RUNX1: variants seen among roughly 807,000 people sequenced by gnomAD.
RUNX1 encodes the protein RUNX family transcription factor 1.
Under a neutral mutation model 42.8 loss-of-function variants are expected in RUNX1, and 19 were observed. That is an observed-to-expected ratio of 0.44 (90% CI 0.31 to 0.65). RUNX1 has a LOEUF of 0.65. Ranked by LOEUF, RUNX1 falls within the 30% of genes least tolerant of loss-of-function variation. RUNX1 has a pLI of 0.07. For synonymous variants in RUNX1, 271 were observed against 289.4 expected (o/e 0.94, Z 0.64); for missense variants, 528 against 672.0 (o/e 0.79, Z 2.37).
intron 7 of RUNX1, 54 bp from the exon 8 acceptor site, chr21:34,799,516 ATG>A (rs1206595819): frequency 1.1e-5 from 16 of 1,517,526 alleles, no homozygotes; most frequent in Non-Finnish European, 1.5e-5. Context: ...GATTTAAAAA[ATG>A]TCTTTTAATA....
chr21:34,875,357 G>A (rs944469662), intron 5 of RUNX1, among the ~76,000 whole-genome samples: 9 of 152,206 alleles, frequency 5.9e-5, no homozygotes, highest in Non-Finnish European at 1.3e-4. Flanking sequence ...TGACCTGCCC[G>A]TCGAAAAGCA....
At chr21:34,830,866 C>T (rs2057053565) in intron 7 of RUNX1, among the ~76,000 whole-genome samples, 1 of 152,180 alleles carries the variant, frequency 6.6e-6, no homozygotes, top group African/African-American at 2.4e-5. Flanking sequence ...TGCAGAAGAA[C>T]AACAAAATGG....
intron 2 of RUNX1, among the ~76,000 whole-genome samples, chr21:34,998,794 C>G (rs180853897): frequency 0.016 from 2,441 of 152,212 alleles, 27 homozygotes; most frequent in Non-Finnish European, 0.026. Flanking sequence ...GCCCGCCTTG[C>G]CCTCCCAAAG....
chr21:34,947,272 AT>A, intron 2 of RUNX1, among the ~76,000 whole-genome samples: 1 of 152,130 alleles, frequency 6.6e-6, no homozygotes, highest in East Asian at 1.9e-4. Context: ...GAAGTTTCAG[AT>A]TTTTTTGGCT....
At chr21:34,858,901 T>A (rs1356139616) in intron 6 of RUNX1, among the ~76,000 whole-genome samples, 1 of 152,244 alleles carries the variant, frequency 6.6e-6, no homozygotes. Flanking sequence ...TATTTTTTGG[T>A]ACTATCTTTC....
chr21:34,804,538 A>G (rs1226671019), intron 7 of RUNX1, among the ~76,000 whole-genome samples: 1 of 152,188 alleles, frequency 6.6e-6, no homozygotes, highest in Non-Finnish European at 1.5e-5. Flanking sequence ...ATCATGTTAA[A>G]CTTTCAATAA....
intron 7 of RUNX1, among the ~76,000 whole-genome samples, chr21:34,807,496 T>C (rs1008233458): frequency 2.0e-5 from 3 of 152,200 alleles, no homozygotes; most frequent in African/African-American, 4.8e-5. Context: ...CCATCTATTT[T>C]TGAAAAAGGC....
At chr21:34,959,300 T>C (rs993961748) in intron 2 of RUNX1, among the ~76,000 whole-genome samples, 3 of 152,176 alleles carry the variant, frequency 2.0e-5, no homozygotes, top group African/African-American at 7.2e-5. Context: ...CACTGTGACT[T>C]TCCTGGGAGA....
At chr21:34,918,636 G>A (rs1472672075) in intron 2 of RUNX1, among the ~76,000 whole-genome samples, 5 of 152,170 alleles carry the variant, frequency 3.3e-5, no homozygotes, top group Middle Eastern at 3.2e-3. Flanking sequence ...GAGGCCGGGC[G>A]TGGTGGCTCA....
chr21:35,016,464 A>G (rs1296749048), intron 2 of RUNX1, among the ~76,000 whole-genome samples: 1 of 152,170 alleles, frequency 6.6e-6, no homozygotes, highest in Non-Finnish European at 1.5e-5. Context: ...TGCCCACCAT[A>G]CGCCAGCTGC....
chr21:34,986,293 G>GC (rs2058887268), intron 2 of RUNX1, among the ~76,000 whole-genome samples: 1 of 151,862 alleles, frequency 6.6e-6, no homozygotes, highest in Non-Finnish European at 1.5e-5. Flanking sequence ...TCAAAGGCTG[G>GC]CACTGTTTGT....
chr21:34,979,420 T>TA (rs1169545048), intron 2 of RUNX1, among the ~76,000 whole-genome samples: 1 of 152,260 alleles, frequency 6.6e-6, no homozygotes, highest in Non-Finnish European at 1.5e-5. Flanking sequence ...CAATATTTAT[T>TA]AAAAAAATCT....
intron 2 of RUNX1, among the ~76,000 whole-genome samples, chr21:35,015,170 G>T (rs187824646): frequency 6.6e-6 from 1 of 152,160 alleles, no homozygotes; most frequent in Non-Finnish European, 1.5e-5. Flanking sequence ...TCCTGGGCAC[G>T]TTCCTAAATC....
At chr21:34,924,567 G>T (rs1006639) in intron 2 of RUNX1, among the ~76,000 whole-genome samples, 116,763 of 152,090 alleles carry the variant, frequency 0.77, 46,963 homozygotes, top group South Asian at 0.93. Flanking sequence ...AAACGAAGAA[G>T]GTGTTTGGGA....
chr21:34,821,097 C>A (rs1368525671), intron 7 of RUNX1, among the ~76,000 whole-genome samples: 1 of 152,068 alleles, frequency 6.6e-6, no homozygotes, highest in Non-Finnish European at 1.5e-5. Flanking sequence ...TCCAAGGAAA[C>A]AAAACTCAAA....
chr21:34,801,308 C>T (rs559070364), intron 7 of RUNX1, among the ~76,000 whole-genome samples: 1 of 152,264 alleles, frequency 6.6e-6, no homozygotes, highest in South Asian at 2.1e-4. Context: ...GACAGCCTCA[C>T]ACCTCTAACC....
chr21:34,789,659 A>G lies in RUNX1; in HGVS notation c.*2476T>C, dbSNP rs2056411673. The stretch of plus-strand genomic sequence containing the variant: ...CGTGAGACCTATCGCCAAAACAACT[A>G]CAGTTTGATTTTTTTTGAAACAATT... On this transcript the variant is annotated 3_prime_UTR_variant, in exon 9 of 9. Transcript: ENST00000675419. 1 of 233,244 alleles carries G rather than the reference A, an allele frequency of 4.3e-6. No individual in the cohort carries two copies. The highest frequency in any genetic ancestry group is 8.5e-6 in the Non-Finnish European group (1 of 118,060). The allele number at this position is 233,244 out of a possible 1,614,324, so 14.4% of individuals were successfully genotyped here.
chr21:34,846,005 A>G (rs923528120), intron 6 of RUNX1, among the ~76,000 whole-genome samples: 9 of 152,060 alleles, frequency 5.9e-5, no homozygotes, highest in African/African-American at 2.2e-4. Flanking sequence ...AATAGCCCAT[A>G]ATACTGTGAG....
chr21:34,874,764 A>G (rs761479293), intron 5 of RUNX1, among the ~76,000 whole-genome samples: 2 of 152,056 alleles, frequency 1.3e-5, no homozygotes, highest in Non-Finnish European at 2.9e-5. Context: ...CTTGCCAACC[A>G]GCACAAAAAA....
Sources: gnomAD v4.1 joint callset for allele counts (sites outside exome capture counted in the v4.1 genomes callset) on GRCh38, gnomAD v4.1.1 for gene constraint, MANE v1.5 for transcripts, NCBI Gene and HGNC (gene_info 2026-07-23, HGNC 2026-07-21) for gene names.